NDST3: variants seen among roughly 807,000 people sequenced by gnomAD.
The protein encoded by NDST3 is bifunctional heparan sulfate N-deacetylase/N-sulfotransferase 3.
A neutral mutation model predicts 96.1 loss-of-function variants in NDST3; 58 were observed. The ratio of observed to expected loss-of-function variants is 0.60; its 90% CI spans 0.49 to 0.75. NDST3 has a LOEUF of 0.75. NDST3 is among the 30% of genes least tolerant of loss of function. The probability of loss-of-function intolerance (pLI) is 0.00; values close to 1 mark genes in which losing one functional copy is unlikely to be tolerated. For missense variants in NDST3, 788 were observed against 1,034.2 expected (o/e 0.76, Z 3.27); for synonymous variants, 333 against 359.7 (o/e 0.93, Z 0.84).
In NDST3 at chr4:118,237,172, T is replaced by G; in HGVS notation, c.2070T>G (p.Ile690Met). 6.2e-7 allele frequency: 1 copy of G among 1,613,654 alleles called. No homozygotes were observed. The change falls in exon 10 of 14, where the codon ATT becomes ATG. Residue 690 changes from isoleucine (I) to methionine (M), a missense_variant. Ile to Met is a conservative substitution (Grantham distance 10). Around this residue, in one of 3 missense-constraint regions of NDST3, gnomAD observed 490 missense variants for 708.8 expected, o/e 0.69. Transcript: ENST00000296499. ...CTTCTCTGGTTCCCAAAGCCAAGATTATCACCATTCTCATTGACCCTTCAG... is the reference window on the plus strand; with the variant it reads ...CTTCTCTGGTTCCCAAAGCCAAGATGATCACCATTCTCATTGACCCTTCAG... Reference protein sequence around the residue: ...RAASLVPKAKIITILIDPSDR... With the variant: ...RAASLVPKAKMITILIDPSDR...
chr4:118,251,121 T>A (rs866558829), intron 12 of NDST3, among the ~76,000 whole-genome samples: 1 of 92,494 alleles, frequency 1.1e-5, no homozygotes. Flanking sequence ...TATTTATTAT[T>A]TTTATTTTAT....
intron 9 of NDST3, among the ~76,000 whole-genome samples, chr4:118,233,913 T>A (rs1358010432): frequency 6.6e-6 from 1 of 152,196 alleles, no homozygotes; most frequent in Non-Finnish European, 1.5e-5. Context: ...AACTGCATGA[T>A]CTCAATTTTA....
At chr4:118,199,705 G>A (rs1209611193) in intron 6 of NDST3, among the ~76,000 whole-genome samples, 2 of 152,006 alleles carry the variant, frequency 1.3e-5, no homozygotes, top group Non-Finnish European at 2.9e-5. Flanking sequence ...TTCTTCCTGG[G>A]AAGGCTTTCC....
At chr4:118,049,661 A>G (rs901919295) in intron 1 of NDST3, among the ~76,000 whole-genome samples, 4 of 151,708 alleles carry the variant, frequency 2.6e-5, no homozygotes, top group Non-Finnish European at 4.4e-5. Flanking sequence ...ATCTCCCAAA[A>G]CTGAATCATT....
chr4:118,138,985 C>G (rs1733347427), intron 5 of NDST3, among the ~76,000 whole-genome samples: 1 of 152,156 alleles, frequency 6.6e-6, no homozygotes. Flanking sequence ...ATGTGATGAG[C>G]CACCGTAACA....
At chr4:118,123,878 C>A (rs1485499901) in intron 4 of NDST3, among the ~76,000 whole-genome samples, 1 of 152,066 alleles carries the variant, frequency 6.6e-6, no homozygotes, top group Non-Finnish European at 1.5e-5. Flanking sequence ...TTAAAGGTTA[C>A]AAGTGAAAAT....
intron 6 of NDST3, among the ~76,000 whole-genome samples, chr4:118,171,505 G>T (rs1286977010): frequency 2.0e-5 from 3 of 150,140 alleles, no homozygotes; most frequent in Non-Finnish European, 2.9e-5. Flanking sequence ...AATCCACTGG[G>T]GTTTTTTTGT....
intron 13 of NDST3, among the ~76,000 whole-genome samples, chr4:118,254,245 CAAAA>C (rs33924467): frequency 8.6e-5 from 11 of 127,620 alleles, no homozygotes; most frequent in Non-Finnish European, 1.1e-4. Context: ...AACTCCAACT[CAAAA>C]AAAAAAAAAA....
intron 1 of NDST3, among the ~76,000 whole-genome samples, chr4:118,043,651 C>T (rs1211483772): frequency 3.9e-5 from 6 of 152,188 alleles, no homozygotes; most frequent in Non-Finnish European, 8.8e-5. Context: ...CCTACTGCTA[C>T]GGTGCCACCT....
At chr4:118,210,387 T>C (rs1738708444) in intron 6 of NDST3, among the ~76,000 whole-genome samples, 1 of 152,182 alleles carries the variant, frequency 6.6e-6, no homozygotes, top group African/African-American at 2.4e-5. Context: ...ATAAGAATTA[T>C]GTGCCCTTTT....
intron 12 of NDST3, among the ~76,000 whole-genome samples, chr4:118,242,546 T>C (rs1372056659): frequency 6.6e-6 from 1 of 152,226 alleles, no homozygotes; most frequent in Non-Finnish European, 1.5e-5. Flanking sequence ...CTCATTTGTG[T>C]AATTTTCAGA....
chr4:118,109,390 T>G (rs750593286), intron 3 of NDST3, among the ~76,000 whole-genome samples: 9 of 152,072 alleles, frequency 5.9e-5, no homozygotes, highest in Non-Finnish European at 8.8e-5. Context: ...AAGAAAACAC[T>G]CCTGGCAACT....
chr4:118,063,609 C>A (rs891030640), intron 2 of NDST3, among the ~76,000 whole-genome samples: 1 of 152,080 alleles, frequency 6.6e-6, no homozygotes, highest in Non-Finnish European at 1.5e-5. Flanking sequence ...GTGATTTAAA[C>A]CTGTACAGAC....
At chr4:118,176,881 A>T (rs2125944653) in intron 6 of NDST3, among the ~76,000 whole-genome samples, 1 of 152,204 alleles carries the variant, frequency 6.6e-6, no homozygotes, top group African/African-American at 2.4e-5. Context: ...TTGAAAGTAA[A>T]AAAAACTATG....
chr4:118,113,448 C>T (rs997129112), intron 3 of NDST3, among the ~76,000 whole-genome samples: 2 of 152,176 alleles, frequency 1.3e-5, no homozygotes, highest in African/African-American at 4.8e-5. Flanking sequence ...TTATGCTATT[C>T]CACTCACTCT....
At chr4:118,165,062 T>C (rs986068050) in intron 6 of NDST3, among the ~76,000 whole-genome samples, 1 of 151,998 alleles carries the variant, frequency 6.6e-6, no homozygotes, top group Non-Finnish European at 1.5e-5. Context: ...AAAATGGTAA[T>C]AGTAAGTGCT....
chr4:118,197,016 T>C (rs1005760945), intron 6 of NDST3, among the ~76,000 whole-genome samples: 6 of 151,656 alleles, frequency 4.0e-5, no homozygotes, highest in Non-Finnish European at 7.4e-5. Flanking sequence ...CTGTATTCCA[T>C]ACAACAAAAT....
At chr4:118,101,606 T>C (rs1411664790) in intron 2 of NDST3, among the ~76,000 whole-genome samples, 1 of 152,120 alleles carries the variant, frequency 6.6e-6, no homozygotes, top group East Asian at 1.9e-4. Context: ...AGTGGCTTAA[T>C]GATGGAGGTG....
intron 4 of NDST3, among the ~76,000 whole-genome samples, chr4:118,121,361 A>G (rs1731551657): frequency 1.3e-5 from 2 of 152,196 alleles, no homozygotes; most frequent in African/African-American, 4.8e-5. Flanking sequence ...CTAAATTGAA[A>G]CATCATATCT....
Sources: allele counts gnomAD v4.1 joint callset (sites outside exome capture counted in the v4.1 genomes callset), GRCh38; gene constraint gnomAD v4.1.1; regional missense constraint gnomAD v4.1.1; transcripts MANE v1.5; gene names NCBI Gene and HGNC (gene_info 2026-07-23, HGNC 2026-07-21).